OPHN1: variants seen among roughly 807,000 people sequenced by gnomAD.
The protein encoded by OPHN1 is oligophrenin 1, also known as oligophrenin-1.
A neutral mutation model predicts 60.7 loss-of-function variants in OPHN1; 11 were observed. That is an observed-to-expected ratio of 0.18 (90% CI 0.11 to 0.30). The LOEUF (loss-of-function observed/expected upper bound fraction) is 0.30, where lower values mean the gene tolerates loss of function less well. OPHN1 is among the 10% of genes least tolerant of loss of function. OPHN1 has a pLI of 1.00. For synonymous variants in OPHN1, 226 were observed against 222.6 expected (o/e 1.02, Z -0.14); for missense variants, 449 against 611.0 (o/e 0.73, Z 2.80).
chrX:68,201,642 A>C lies in OPHN1; in HGVS notation c.1002T>G (p.Cys334Trp). ...ACCTTTCATTAGTTTCTATGTCAAAACAGAACCTCTTGTCGATAGACTCCG... is the reference window on the plus strand; with the variant it reads ...ACCTTTCATTAGTTTCTATGTCAAACCAGAACCTCTTGTCGATAGACTCCG... ...RKTESIDKRF[C>W]FDIETNERPG... The change falls in exon 11 of 25, where the codon TGT (cysteine) becomes TGG (tryptophan). Residue 334 changes from cysteine (C) to tryptophan (W), a missense_variant. This residue lies in a region of OPHN1 where 166 missense variants were observed against 278.4 expected (regional missense o/e 0.60). Coordinates refer to ENST00000355520, the MANE Select transcript of OPHN1 (RefSeq NM_002547.3). 1.7e-6 allele frequency: 2 copies of C among 1,210,519 alleles called. No individual in the cohort carries two copies. Among genetic ancestry groups the C allele is most frequent in the Non-Finnish European group, 2.2e-6 (2 of 894,401 alleles).
At chrX:68,370,343 TA>T (rs1478791957) in intron 2 of OPHN1, among the ~76,000 whole-genome samples, 1 of 109,605 alleles carries the variant, frequency 9.1e-6, no homozygotes, top group East Asian at 2.9e-4. Context: ...CCATCTTTAC[TA>T]AAAACTACAA....
chrX:68,163,432 G>C (rs2077344256), intron 15 of OPHN1, among the ~76,000 whole-genome samples: 1 of 80,564 alleles, frequency 1.2e-5, no homozygotes, highest in Admixed American at 1.3e-4. Flanking sequence ...TCCATTCTGT[G>C]TGTGTGTGTG....
intron 21 of OPHN1, among the ~76,000 whole-genome samples, chrX:68,061,457 T>G (rs375705193): frequency 9.0e-6 from 1 of 111,276 alleles, no homozygotes; most frequent in African/African-American, 3.3e-5. Context: ...CGAGTATAAG[T>G]TGAGTTACCC....
At chrX:68,371,760 G>A (rs1217268251) in intron 2 of OPHN1, among the ~76,000 whole-genome samples, 1 of 111,192 alleles carries the variant, frequency 9.0e-6, no homozygotes, top group Non-Finnish European at 1.9e-5. Context: ...TATTTTTCAC[G>A]GAGTCTCACT....
chrX:68,401,539 GACT>G (rs1185136227), intron 2 of OPHN1, among the ~76,000 whole-genome samples: 1 of 112,363 alleles, frequency 8.9e-6, no homozygotes, highest in Admixed American at 9.5e-5. Flanking sequence ...AGTGATACAA[GACT>G]ACTAAGAGAC....
intron 15 of OPHN1, among the ~76,000 whole-genome samples, chrX:68,134,645 C>T (rs73524663): frequency 0.062 from 6,863 of 110,753 alleles, 535 homozygotes; most frequent in African/African-American, 0.22. Flanking sequence ...TGCTTGGGAG[C>T]ATAGCAGGTA....
chrX:68,229,826 G>A (rs1352133288), intron 6 of OPHN1, among the ~76,000 whole-genome samples: 1 of 111,757 alleles, frequency 8.9e-6, no homozygotes, highest in African/African-American at 3.3e-5. Context: ...GAAAACCTAG[G>A]CAATACCATT....
chrX:68,391,912 G>A (rs901012677), intron 2 of OPHN1, among the ~76,000 whole-genome samples: 2 of 111,618 alleles, frequency 1.8e-5, no homozygotes, highest in African/African-American at 3.3e-5. Flanking sequence ...AACCAGCCCT[G>A]CCTACACCTT....
At chrX:68,204,154 T>G (rs73528485) in intron 10 of OPHN1, among the ~76,000 whole-genome samples, 1,734 of 112,313 alleles carry the variant, frequency 0.015, 33 homozygotes, top group African/African-American at 0.054. Flanking sequence ...GAGCTAAAAT[T>G]TAAACACAGG....
At chrX:68,342,802 G>C (rs73634114) in intron 2 of OPHN1, among the ~76,000 whole-genome samples, 8,881 of 110,397 alleles carry the variant, frequency 0.08, 908 homozygotes, top group African/African-American at 0.28. Flanking sequence ...TTAGCCAGGT[G>C]CAGTGGCACA....
intron 9 of OPHN1, among the ~76,000 whole-genome samples, chrX:68,208,113 C>T (rs2077568349): frequency 9.4e-6 from 1 of 106,103 alleles, no homozygotes; most frequent in African/African-American, 3.5e-5. Flanking sequence ...ATTTTTGAGA[C>T]AGAGTCTCAC....
At chrX:68,287,207 AGGG>A in intron 3 of OPHN1, among the ~76,000 whole-genome samples, 1 of 94,849 alleles carries the variant, frequency 1.1e-5, no homozygotes, top group African/African-American at 3.8e-5. Flanking sequence ...AGGGAGGAGA[AGGG>A]GAAGGGAAGA....
chrX:68,162,493 T>A (rs5919532), intron 15 of OPHN1, among the ~76,000 whole-genome samples: 38,452 of 109,299 alleles, frequency 0.35, 5,559 homozygotes, highest in African/African-American at 0.52. Context: ...AGCCTAAGCC[T>A]CTGGATAGTA....
intron 2 of OPHN1, among the ~76,000 whole-genome samples, chrX:68,422,564 G>A (rs1468318965): frequency 4.3e-5 from 4 of 92,131 alleles, no homozygotes; most frequent in Non-Finnish European, 6.5e-5. Context: ...GGGAGGGAGG[G>A]AGGAAAGAAA....
chrX:68,432,876 C>A lies in OPHN1; in HGVS notation c.145G>T (p.Ala49Ser), dbSNP rs775377990. 5.0e-6 allele frequency: 6 copies of A among 1,210,434 alleles called. No individual in the cohort carries two copies. Among genetic ancestry groups the A allele is most frequent in the Non-Finnish European group, 5.6e-6 (5 of 895,159 alleles). Residue 49 changes from alanine to serine, a missense_variant, in exon 2 of 25, where the codon GCT becomes TCT. Around this residue, in one of 4 missense-constraint regions of OPHN1, gnomAD observed 99 missense variants for 155.2 expected, o/e 0.64. Transcript: ENST00000355520. ...GAAGCCTTGCACTTACTTCTCATAG[C>A]GCTGATAAGCGCGTTGCCGTCTTTG... ...VIKDGNALIS[A>S]MRNYSSAVQK...
chrX:68,167,623 G>T (rs189428796), intron 15 of OPHN1, among the ~76,000 whole-genome samples: 19 of 108,946 alleles, frequency 1.7e-4, no homozygotes, highest in African/African-American at 5.0e-4. Context: ...ATACATGCGC[G>T]CATGCATGCA....
chrX:68,164,885 C>T (rs991564093), intron 15 of OPHN1, among the ~76,000 whole-genome samples: 1 of 112,417 alleles, frequency 8.9e-6, no homozygotes, highest in Admixed American at 9.4e-5. Flanking sequence ...ACCTTCTAGA[C>T]AACATGCATC....
At position 68,190,387 on chromosome X, in the gene OPHN1, G is replaced by A. The variant is rs747981667; in HGVS notation, c.1276+2532C>T. Among the ~76,000 whole-genome samples, 6 of 112,205 alleles carry A rather than the reference G, an allele frequency of 5.3e-5. No individual in the cohort carries two copies. In the Admixed American group the frequency reaches 5.7e-4, roughly 11 times the overall value. Reference sequence around the variant, plus strand: ...ATGAATGAGGATCATCACCACATCTGGAGTTTCATACATTTGGGGCAGGGA... The same window carrying A: ...ATGAATGAGGATCATCACCACATCTAGAGTTTCATACATTTGGGGCAGGGA... On this transcript the variant is annotated intron_variant, in intron 15 of 24. Coordinates refer to ENST00000355520, the MANE Select transcript of OPHN1 (RefSeq NM_002547.3).
At chrX:68,275,170 A>G in intron 4 of OPHN1, among the ~76,000 whole-genome samples, 1 of 112,437 alleles carries the variant, frequency 8.9e-6, no homozygotes, top group Non-Finnish European at 1.9e-5. Context: ...AATTGCAGCA[A>G]GTGCAAATCA....
Sources: gnomAD v4.1 joint callset for allele counts (sites outside exome capture counted in the v4.1 genomes callset) on GRCh38, gnomAD v4.1.1 for gene constraint, gnomAD v4.1.1 regional missense constraint, MANE v1.5 for transcripts, NCBI Gene and HGNC (gene_info 2026-07-23, HGNC 2026-07-21) for gene names.